Variants in ALPK1 observed in about 807,000 individuals in gnomAD.
ALPK1 encodes alpha-protein kinase 1.
A neutral mutation model predicts 120.6 loss-of-function variants in ALPK1; 110 were observed. The observed-to-expected ratio is 0.91, with a 90% CI of 0.78 to 1.07. The LOEUF (loss-of-function observed/expected upper bound fraction) is 1.07, where lower values mean the gene tolerates loss of function less well. ALPK1 is among the 50% of genes least tolerant of loss of function. The pLI is 0.00. For missense variants in ALPK1, 1,498 were observed against 1,483.9 expected (o/e 1.01, Z -0.16); for synonymous variants, 582 against 560.3 (o/e 1.04, Z -0.55).
At chr4:112,416,893 A>C (rs1016787504) in intron 5 of ALPK1, among the ~76,000 whole-genome samples, 2 of 149,012 alleles carry the variant, frequency 1.3e-5, no homozygotes, top group East Asian at 4.1e-4. Flanking sequence ...AAAAAAAAAA[A>C]CTTTTTAAAT....
At position 112,431,341 on chromosome 4, in the gene ALPK1, G is replaced by C. The variant is rs1157696432; in HGVS notation, c.1794G>C (p.Val598=). Reference sequence around the variant, plus strand: ...GTTCCTCTGCAAGCTGGGAGGAAGTGAATTATCACGTTGACGACAGGTCAG... The same window carrying C: ...GTTCCTCTGCAAGCTGGGAGGAAGTCAATTATCACGTTGACGACAGGTCAG... The part of the protein sequence containing the change: ...GFSSSASWEE[V]NYHVDDRSAR... The change falls in exon 11 of 16, where the codon GTG becomes GTC. Residue 598 remains valine (V), a synonymous_variant. Coordinates refer to ENST00000650871, the MANE Select transcript of ALPK1 (RefSeq NM_025144.4). 5.0e-6 allele frequency: 8 copies of C among 1,614,066 alleles called. No homozygotes were observed. In the African/African-American group the frequency reaches 9.3e-5, roughly 19 times the overall value.
intron 2 of ALPK1, among the ~76,000 whole-genome samples, chr4:112,366,976 T>C (rs1396429321): frequency 6.6e-6 from 1 of 152,180 alleles, no homozygotes; most frequent in East Asian, 1.9e-4. Flanking sequence ...ATGTTCTCAC[T>C]CATAAGTGGA....
At chr4:112,356,306 C>G in intron 2 of ALPK1, 1 of 967,788 alleles carries the variant, frequency 1.0e-6, no homozygotes, top group Non-Finnish European at 1.7e-6. Context: ...CCTGGCCTGG[C>G]GAGAACACCT....
intron 2 of ALPK1, among the ~76,000 whole-genome samples, chr4:112,376,201 C>T (rs1179695505): frequency 2.6e-5 from 4 of 152,178 alleles, no homozygotes; most frequent in African/African-American, 7.2e-5. Context: ...GAGACACCGA[C>T]GGTTAGACTT....
chr4:112,304,965 T>A (rs1200269925), intron 1 of ALPK1, among the ~76,000 whole-genome samples: 1 of 152,144 alleles, frequency 6.6e-6, no homozygotes, highest in Non-Finnish European at 1.5e-5. Flanking sequence ...GTTTTCTACA[T>A]ATGGCTAGCC....
intron 2 of ALPK1, chr4:112,356,259 C>G: frequency 3.0e-6 from 4 of 1,347,630 alleles, no homozygotes; most frequent in Non-Finnish European, 4.3e-6. Flanking sequence ...GAGAGCCCCG[C>G]GGGCACAGGC....
chr4:112,302,167 C>T (rs965571781), intron 1 of ALPK1, among the ~76,000 whole-genome samples: 1 of 152,176 alleles, frequency 6.6e-6, no homozygotes, highest in African/African-American at 2.4e-5. Context: ...GCCCTCATTT[C>T]TCCCAGTCAC....
In ALPK1 at chr4:112,426,453, C is replaced by CT. The variant is rs35182774; in HGVS notation, c.623-4dup. 0.31 allele frequency: 425,478 copies of CT among 1,385,064 alleles called. 29,465 individuals are homozygous for CT. Among genetic ancestry groups the CT allele is most frequent in the East Asian group, 0.5 (19,216 of 38,532 alleles). The allele number at this position is 1,385,064 out of a possible 1,614,324, so 85.8% of individuals were successfully genotyped here. A position where few individuals can be genotyped will look rare whatever the true frequency, so the allele number is the denominator to read the frequency against. On this transcript the variant is annotated splice_polypyrimidine_tract_variant and intron_variant, in intron 7 of 15. Coordinates refer to ENST00000650871, the MANE Select transcript of ALPK1 (RefSeq NM_025144.4). ...CTCCCCTGTCCCTCTCCCCGCCCCT[C>CT]TTTTTTTTTTCAGGGATGTGGTACG...
At chr4:112,400,946 G>A (rs1732881354) in intron 4 of ALPK1, among the ~76,000 whole-genome samples, 1 of 152,212 alleles carries the variant, frequency 6.6e-6, no homozygotes, top group African/African-American at 2.4e-5. Context: ...AGGGAGGTGA[G>A]AGTGAGTGTT....
chr4:112,347,205 TGC>T lies in ALPK1; in HGVS notation c.-100-30472_-100-30471del, dbSNP rs1473987622. ...AACATTCTGTTAAACTAATGATTTC[TGC>T]TTGTCAGTATGATGATCAGTTTCTT... On this transcript the variant is annotated intron_variant, in intron 2 of 15. Coordinates refer to ENST00000650871, the MANE Select transcript of ALPK1 (RefSeq NM_025144.4). Among the ~76,000 whole-genome samples the T allele has an allele frequency of 7.7e-3, 1,177 of 152,378 alleles. 18 individuals carry two copies. The highest frequency in any genetic ancestry group is 0.027 in the African/African-American group (1,117 of 41,590).
rs553163307 is a variant in ALPK1 at position 112,305,021 on chromosome 4, T to G, written c.-153+7552T>G. Among the ~76,000 whole-genome samples, 327 of 152,216 alleles carry G rather than the reference T, an allele frequency of 2.1e-3. 1 individual carries two copies. Among genetic ancestry groups the G allele is most frequent in the Admixed American group, 4.3e-3 (66 of 15,294 alleles). Reference sequence around the variant, plus strand: ...TTAAATAGGGACTCCTTTCCCCATTTCTTGTTTTTGTCAGGTTTGTCAAAG... The same window carrying G: ...TTAAATAGGGACTCCTTTCCCCATTGCTTGTTTTTGTCAGGTTTGTCAAAG... On this transcript the variant is annotated intron_variant, in intron 1 of 15. Transcript: ENST00000650871.
chr4:112,438,624 A>G lies in ALPK1; in HGVS notation c.3329A>G (p.Tyr1110Cys). The stretch of plus-strand genomic sequence containing the variant: ...CAAAACATTCCCACCCAGATATTCT[A>G]CATCCCATCCACAATACTACTGGTA... ...YEQNIPTQIF[Y>C]IPSTILLILE... Residue 1110 changes from tyrosine (Y) to cysteine (C), a missense_variant, in exon 13 of 16, where the codon TAC becomes TGC. By Grantham distance (194) the Tyr-to-Cys change is radical. Transcript: ENST00000650871. The G allele has an allele frequency of 3.1e-6, 5 of 1,613,692 alleles. No individual in the cohort carries two copies. Among genetic ancestry groups the G allele is most frequent in the Non-Finnish European group, 4.2e-6 (5 of 1,179,728 alleles).
chr4:112,438,632 T>A lies in ALPK1; in HGVS notation c.3337T>A (p.Ser1113Thr). The change falls in exon 13 of 16, where the codon TCC becomes ACC. Residue 1113 changes from serine (S) to threonine (T), a missense_variant. Transcript: ENST00000650871. Reference protein sequence around the residue: ...NIPTQIFYIPSTILLILEDKT... With the variant: ...NIPTQIFYIPTTILLILEDKT... ...TCCCACCCAGATATTCTACATCCCA[T>A]CCACAATACTACTGGTAAGATTATC... is the stretch of plus-strand genomic sequence containing the variant. 1 of 1,613,538 alleles carries A rather than the reference T, an allele frequency of 6.2e-7. No individual in the cohort carries two copies. The highest frequency in any genetic ancestry group is 8.5e-7 in the Non-Finnish European group (1 of 1,179,642).
intron 2 of ALPK1, among the ~76,000 whole-genome samples, chr4:112,350,880 G>T (rs1032263116): frequency 6.6e-6 from 1 of 152,176 alleles, no homozygotes; most frequent in African/African-American, 2.4e-5. Context: ...CTAGTATCAT[G>T]ATAGTTCTGG....
intron 2 of ALPK1, among the ~76,000 whole-genome samples, chr4:112,335,278 A>G (rs1729563734): frequency 6.6e-6 from 1 of 152,158 alleles, no homozygotes; most frequent in African/African-American, 2.4e-5. Flanking sequence ...AAAAAAAAAA[A>G]AAAGATACTT....
chr4:112,334,729 A>T (rs891991422), intron 2 of ALPK1, among the ~76,000 whole-genome samples: 1 of 151,994 alleles, frequency 6.6e-6, no homozygotes, highest in South Asian at 2.1e-4. Flanking sequence ...AAACTAGGTA[A>T]CTCAGAGGCT....
chr4:112,398,003 A>C (rs1246935464), intron 4 of ALPK1, among the ~76,000 whole-genome samples: 2 of 152,178 alleles, frequency 1.3e-5, no homozygotes, highest in Non-Finnish European at 2.9e-5. Context: ...AGCAGAGTCG[A>C]GAGATAGTGA....
intron 2 of ALPK1, among the ~76,000 whole-genome samples, chr4:112,349,556 C>CCA (rs1553939391): frequency 5.6e-5 from 8 of 142,618 alleles, no homozygotes; most frequent in South Asian, 4.7e-4. Context: ...CCCCTGCCCC[C>CCA]CCCCGCTTTA....
chr4:112,397,571 G>A (rs1732705616), intron 4 of ALPK1, among the ~76,000 whole-genome samples: 1 of 152,150 alleles, frequency 6.6e-6, no homozygotes, highest in South Asian at 2.1e-4. Context: ...AAAGAGCTTA[G>A]GGGCCAGACC....
Sources: gnomAD v4.1 joint callset for allele counts (sites outside exome capture counted in the v4.1 genomes callset) on GRCh38, gnomAD v4.1.1 for gene constraint, MANE v1.5 for transcripts, NCBI Gene and HGNC (gene_info 2026-07-23, HGNC 2026-07-21) for gene names.